The following SLC12A8 variants were observed in gnomAD, a reference collection of about 807,000 sequenced individuals.
The protein encoded by SLC12A8 is cation-chloride cotransporter 9.
SLC12A8 carries 69 observed loss-of-function variants against 75.6 expected under a neutral mutation model. That is an observed-to-expected ratio of 0.91 (90% CI 0.75 to 1.11). SLC12A8 has a LOEUF of 1.11. SLC12A8 is among the 50% of genes most tolerant of loss of function. SLC12A8 has a pLI of 0.00. For synonymous variants in SLC12A8, 365 were observed against 372.8 expected (o/e 0.98, Z 0.24); for missense variants, 877 against 896.7 (o/e 0.98, Z 0.28).
At chr3:125,208,271 G>T (rs1935263964) in intron 2 of SLC12A8, among the ~76,000 whole-genome samples, 1 of 152,132 alleles carries the variant, frequency 6.6e-6, no homozygotes, top group South Asian at 2.1e-4. Context: ...CCAGCAGGTT[G>T]TCTGGAACAA....
At chr3:125,089,618 G>A (rs1938538144) in intron 12 of SLC12A8, among the ~76,000 whole-genome samples, 1 of 148,296 alleles carries the variant, frequency 6.7e-6, no homozygotes, top group Non-Finnish European at 1.5e-5. Flanking sequence ...GACTTAAAAT[G>A]TTTGAAGTGC....
At chr3:125,121,339 AC>A (rs574393439) in intron 6 of SLC12A8, among the ~76,000 whole-genome samples, 51 of 152,370 alleles carry the variant, frequency 3.3e-4, no homozygotes, top group African/African-American at 1.2e-3. Context: ...CTCTTCCCAT[AC>A]AAACAAATAT....
intron 2 of SLC12A8, among the ~76,000 whole-genome samples, chr3:125,204,433 G>A (rs1030587962): frequency 1.3e-5 from 2 of 152,192 alleles, no homozygotes; most frequent in African/African-American, 2.4e-5. Flanking sequence ...GTGCAGCAAC[G>A]TGGATGGAAC....
At chr3:125,166,667 C>T (rs1934297805) in intron 5 of SLC12A8, among the ~76,000 whole-genome samples, 2 of 152,236 alleles carry the variant, frequency 1.3e-5, no homozygotes, top group African/African-American at 4.8e-5. Context: ...ACTTTCACCA[C>T]TCAGTAACTC....
At chr3:125,177,314 A>G (rs1215636448) in intron 5 of SLC12A8, among the ~76,000 whole-genome samples, 1 of 91,610 alleles carries the variant, frequency 1.1e-5, no homozygotes, top group Non-Finnish European at 2.1e-5. Flanking sequence ...ATCACACACC[A>G]GGGACTGTTG....
At chr3:125,196,762 C>A (rs988978478) in intron 2 of SLC12A8, among the ~76,000 whole-genome samples, 1 of 152,142 alleles carries the variant, frequency 6.6e-6, no homozygotes, top group Non-Finnish European at 1.5e-5. Flanking sequence ...GACCACACCT[C>A]TACAAAAAAT....
At chr3:125,139,815 G>C (rs1039858872) in intron 5 of SLC12A8, among the ~76,000 whole-genome samples, 1 of 152,178 alleles carries the variant, frequency 6.6e-6, no homozygotes, top group South Asian at 2.1e-4. Context: ...CTGATGCCCA[G>C]AACAAAGGTT....
intron 4 of SLC12A8, among the ~76,000 whole-genome samples, chr3:125,182,020 C>T (rs1025459580): frequency 2.6e-5 from 4 of 152,004 alleles, no homozygotes; most frequent in African/African-American, 9.7e-5. Context: ...AACCTTGTCT[C>T]TACAAAAAAA....
intron 5 of SLC12A8, among the ~76,000 whole-genome samples, chr3:125,176,190 C>T (rs1165528801): frequency 6.6e-6 from 1 of 152,184 alleles, no homozygotes; most frequent in African/African-American, 2.4e-5. Context: ...GGCCCCACTT[C>T]TCACCTCAGG....
chr3:125,124,644 G>T (rs1288986448), intron 6 of SLC12A8, among the ~76,000 whole-genome samples: 1 of 152,068 alleles, frequency 6.6e-6, no homozygotes, highest in Non-Finnish European at 1.5e-5. Context: ...TGTTATAGGG[G>T]CTCACACACT....
chr3:125,154,645 T>A (rs1934006476), intron 5 of SLC12A8, among the ~76,000 whole-genome samples: 1 of 152,154 alleles, frequency 6.6e-6, no homozygotes. Flanking sequence ...CCTAACCCTA[T>A]ATACACCACG....
intron 8 of SLC12A8, 22 bp downstream of exon 8, chr3:125,118,747 G>C (rs1352827420): frequency 9.4e-6 from 15 of 1,589,892 alleles, no homozygotes; most frequent in Non-Finnish European, 1.3e-5. Context: ...TGAGCCCTTG[G>C]AGTAGCGCAG....
chr3:125,129,516 G>C (rs1933301182), intron 6 of SLC12A8, among the ~76,000 whole-genome samples: 1 of 149,486 alleles, frequency 6.7e-6, no homozygotes. Flanking sequence ...AGGAGCACCA[G>C]ACCGAATCTC....
At chr3:125,178,781 A>G (rs1934591577) in intron 4 of SLC12A8, among the ~76,000 whole-genome samples, 1 of 152,250 alleles carries the variant, frequency 6.6e-6, no homozygotes, top group African/African-American at 2.4e-5. Context: ...TCCACCCAGC[A>G]TCCTTTGCAG....
intron 5 of SLC12A8, 33 bp from the exon 6 acceptor site, chr3:125,135,815 C>G (rs1255328407): frequency 7.8e-7 from 1 of 1,284,094 alleles, no homozygotes; most frequent in Admixed American, 2.0e-5. Flanking sequence ...AACGTAAGCC[C>G]AGTGAGAAGA....
chr3:125,141,900 G>C, intron 5 of SLC12A8, among the ~76,000 whole-genome samples: 1 of 152,210 alleles, frequency 6.6e-6, no homozygotes, highest in South Asian at 2.1e-4. Flanking sequence ...CAGGAAGAGC[G>C]GCTCTGCGAG....
At chr3:125,122,155 A>G (rs1933075692) in intron 6 of SLC12A8, among the ~76,000 whole-genome samples, 2 of 152,352 alleles carry the variant, frequency 1.3e-5, no homozygotes, top group South Asian at 2.1e-4. Context: ...GACGCATATT[A>G]GAAAACAGAA....
In SLC12A8 at chr3:125,091,553, C is replaced by G. The variant is rs185247398; in HGVS notation, c.1807G>C (p.Val603Leu). Residue 603 changes from valine to leucine, a missense_variant, in exon 12 of 14, where the codon GTT becomes CTT. Physicochemically the swap from Val to Leu is conservative, Grantham distance 32. Coordinates refer to ENST00000469902, the MANE Select transcript of SLC12A8 (RefSeq NM_024628.6). ...ACAAACATGATGAGAAGGGACCCAACAGCCTGTGAAAACAGAGTAGGAAGA... is the reference window on the plus strand; with the variant it reads ...ACAAACATGATGAGAAGGGACCCAAGAGCCTGTGAAAACAGAGTAGGAAGA... ...CNPWVSLLGA[V>L]GSLLIMFVIQ... is the part of the protein sequence containing the mutation. 1 of 1,610,186 alleles carries G rather than the reference C, an allele frequency of 6.2e-7. No homozygotes were observed. Among genetic ancestry groups the G allele is most frequent in the East Asian group, 2.2e-5 (1 of 44,852 alleles).
intron 4 of SLC12A8, among the ~76,000 whole-genome samples, chr3:125,186,122 G>C (rs1934776627): frequency 6.6e-6 from 1 of 150,740 alleles, no homozygotes; most frequent in South Asian, 2.1e-4. Flanking sequence ...CTACCTTGCA[G>C]CCTGGTTGGC....
Sources: allele counts gnomAD v4.1 joint callset (sites outside exome capture counted in the v4.1 genomes callset), GRCh38; gene constraint gnomAD v4.1.1; transcripts MANE v1.5; gene names NCBI Gene and HGNC (gene_info 2026-07-23, HGNC 2026-07-21).